TNN: variants seen among roughly 807,000 people sequenced by gnomAD.
TNN encodes tenascin-N.
Under a neutral mutation model 134.4 loss-of-function variants are expected in TNN, and 122 were observed. The ratio of observed to expected loss-of-function variants is 0.91; its 90% CI spans 0.78 to 1.06. The LOEUF (loss-of-function observed/expected upper bound fraction) is 1.06. Among genes scored for constraint, TNN ranks in the 50% least tolerant of loss-of-function variants. The pLI is 0.00. For missense variants in TNN, 1,739 were observed against 1,699.4 expected (o/e 1.02, Z -0.41); for synonymous variants, 710 against 670.3 (o/e 1.06, Z -0.91).
intron 9 of TNN, 120 bp downstream of exon 9, chr1:175,098,715 A>G (rs1463566619): frequency 1.4e-6 from 2 of 1,407,752 alleles, no homozygotes; most frequent in South Asian, 1.4e-5. Flanking sequence ...GTATCCTCCC[A>G]TAATACATTG....
intron 12 of TNN, among the ~76,000 whole-genome samples, chr1:175,125,363 TA>T (rs148596419): frequency 7.0e-4 from 104 of 147,578 alleles, no homozygotes; most frequent in African/African-American, 6.0e-4. Flanking sequence ...CTTCTTTGGT[TA>T]AAAAAAAAAA....
chr1:175,127,211 T>G, intron 13 of TNN, 126 bp downstream of exon 13: 1 of 1,153,998 alleles, frequency 8.7e-7, no homozygotes, highest in Non-Finnish European at 1.2e-6. Flanking sequence ...CATTGCTGGT[T>G]GTACATCTGC....
intron 17 of TNN, among the ~76,000 whole-genome samples, chr1:175,142,904 C>T (rs181694687): frequency 6.6e-6 from 1 of 152,324 alleles, no homozygotes; most frequent in East Asian, 1.9e-4. Flanking sequence ...GTGTGAGCCA[C>T]CGTGCCTGGC....
At chr1:175,127,471 A>G (rs1318774738) in intron 13 of TNN, among the ~76,000 whole-genome samples, 2 of 152,202 alleles carry the variant, frequency 1.3e-5, no homozygotes, top group Non-Finnish European at 2.9e-5. Context: ...TTGCCAATGA[A>G]GAAAGAAGGG....
intron 15 of TNN, among the ~76,000 whole-genome samples, chr1:175,130,709 C>G (rs1298022046): frequency 6.6e-6 from 1 of 152,182 alleles, no homozygotes; most frequent in Non-Finnish European, 1.5e-5. Context: ...TGAGTGCCTA[C>G]TATGTGTCGG....
Position 175,135,920 on chromosome 1 carries a change from C to A in TNN, c.3406C>A (p.Pro1136Thr), listed in dbSNP as rs746887632. The A allele has an allele frequency of 3.1e-6, 5 of 1,613,146 alleles. No homozygotes were observed. Among genetic ancestry groups the A allele is most frequent in the Non-Finnish European group, 4.2e-6 (5 of 1,179,474 alleles). ...WRSYVEGFGD[P>T]MKEFWLGLDK... Reference sequence around the variant, plus strand: ...GAGCTATGTGGAAGGCTTTGGGGACCCCATGAAGGAGTTCTGGCTTGGTAT... The same window carrying A: ...GAGCTATGTGGAAGGCTTTGGGGACACCATGAAGGAGTTCTGGCTTGGTAT... Residue 1136 changes from proline (P) to threonine (T), a missense_variant, in exon 16 of 19, where the codon CCC (proline) becomes ACC (threonine). Transcript: ENST00000239462.
Position 175,117,127 on chromosome 1 carries a change from G to C in TNN, c.2308G>C (p.Gly770Arg). The C allele has an allele frequency of 6.2e-7, 1 of 1,614,266 alleles. No homozygotes were observed. The highest frequency in any genetic ancestry group is 8.5e-7 in the Non-Finnish European group (1 of 1,180,036). Residue 770 changes from glycine to arginine, a missense_variant, in exon 10 of 19, where the codon GGT (glycine) becomes CGT (arginine). Coordinates refer to ENST00000239462, the MANE Select transcript of TNN (RefSeq NM_022093.2). ...SSTVLTGLRP[G>R]VEYTVHVWAQ... ...CACTGTCCTGACGGGCCTGAGGCCG[G>C]GTGTGGAGTACACGGTGCACGTGTG...
Position 175,077,479 on chromosome 1 carries a change from G to C in TNN, c.61G>C (p.Val21Leu). 1 of 1,613,878 alleles carries C rather than the reference G, an allele frequency of 6.2e-7. No homozygotes were observed. Among genetic ancestry groups the C allele is most frequent in the Non-Finnish European group, 8.5e-7 (1 of 1,180,012 alleles). The change falls in exon 2 of 19, where the codon GTG (valine) becomes CTG (leucine). Residue 21 changes from valine to leucine, a missense_variant. Transcript: ENST00000239462. Reference protein sequence around the residue: ...MGLLLGSVLLVASAPATLEPP... With the variant: ...MGLLLGSVLLLASAPATLEPP... ...GCTCCTGCTTGGCTCTGTGCTCCTG[G>C]TGGCTTCGGCCCCAGCCACTCTGGA...
chr1:175,075,801 A>G (rs545438929), intron 1 of TNN, among the ~76,000 whole-genome samples: 1 of 152,168 alleles, frequency 6.6e-6, no homozygotes, highest in Non-Finnish European at 1.5e-5. Flanking sequence ...GATGAGGAGC[A>G]TTTTTAGGGA....
chr1:175,144,521 G>T lies in TNN; in HGVS notation c.3730G>T (p.Gly1244Cys). 4 of 1,614,208 alleles carry T rather than the reference G, an allele frequency of 2.5e-6. No homozygotes were observed. The highest frequency in any genetic ancestry group is 3.4e-6 in the Non-Finnish European group (4 of 1,180,034). The change falls in exon 18 of 19, where the codon GGC (glycine) becomes TGC (cysteine). Residue 1244 changes from glycine (G) to cysteine (C), a missense_variant. Physicochemically the swap from Gly to Cys is radical, Grantham distance 159. Coordinates refer to ENST00000239462, the MANE Select transcript of TNN (RefSeq NM_022093.2). ...GAACTGCCACTTGGCCAACCCTAAT[G>T]GCAGATATGGGGAGACCAAGCACAG... The part of the protein sequence containing the change: ...YKNCHLANPN[G>C]RYGETKHSEG...
chr1:175,080,531 A>C (rs1442311602), intron 4 of TNN, 105 bp downstream of exon 4: 1 of 1,346,100 alleles, frequency 7.4e-7, no homozygotes, highest in African/African-American at 1.5e-5. Flanking sequence ...GGGGTTTGAA[A>C]AACACACCTG....
intron 9 of TNN, among the ~76,000 whole-genome samples, chr1:175,112,076 T>C (rs1269926153): frequency 1.3e-5 from 2 of 152,210 alleles, no homozygotes; most frequent in Non-Finnish European, 2.9e-5. Context: ...TTCTGGTTCT[T>C]AGAGAAAAGC....
At chr1:175,128,842 A>G in intron 15 of TNN, 96 bp downstream of exon 15, 7 of 1,317,738 alleles carry the variant, frequency 5.3e-6, no homozygotes, top group Non-Finnish European at 7.0e-6. Context: ...TTGGAGCCCT[A>G]TTTCTTCTCC....
In TNN at chr1:175,091,447, T is replaced by C. The variant is rs561971949; in HGVS notation, c.1325-2543T>C. Among the ~76,000 whole-genome samples, 363 of 152,334 alleles carry C rather than the reference T, an allele frequency of 2.4e-3. 1 individual carries two copies. Among genetic ancestry groups the C allele is most frequent in the Non-Finnish European group, 3.8e-3 (258 of 68,024 alleles). On this transcript the variant is annotated intron_variant, in intron 6 of 18. Coordinates refer to ENST00000239462, the MANE Select transcript of TNN (RefSeq NM_022093.2). ...TCCTGGCTCTTCTCCATCCCTTGAGTGCTCTGGGACTGGTGGGAGAGAAAG... is the reference window on the plus strand; with the variant it reads ...TCCTGGCTCTTCTCCATCCCTTGAGCGCTCTGGGACTGGTGGGAGAGAAAG...
intron 7 of TNN, among the ~76,000 whole-genome samples, chr1:175,096,116 A>G (rs1674563053): frequency 6.6e-6 from 1 of 152,242 alleles, no homozygotes; most frequent in South Asian, 2.1e-4. Context: ...TCTAGAGCAA[A>G]CAAATGTCCC....
chr1:175,079,620 T>G lies in TNN; in HGVS notation c.697T>G (p.Cys233Gly). ...FMSEDCSEKRCPGDCSGHGFC... is the reference protein window; with the variant it reads ...FMSEDCSEKRGPGDCSGHGFC... ...GTCGGAGGACTGCAGCGAGAAGCGC[T>G]GTCCCGGCGACTGCAGCGGCCACGG... Residue 233 changes from cysteine (C) to glycine (G), a missense_variant, in exon 3 of 19, where the codon TGT becomes GGT. By Grantham distance (159) the Cys-to-Gly change is radical. Transcript: ENST00000239462. The G allele has an allele frequency of 1.2e-6, 2 of 1,603,214 alleles. No homozygotes were observed. The highest frequency in any genetic ancestry group is 1.7e-6 in the Non-Finnish European group (2 of 1,176,100).
At chr1:175,081,547 A>G (rs1466235607) in intron 4 of TNN, among the ~76,000 whole-genome samples, 1 of 152,114 alleles carries the variant, frequency 6.6e-6, no homozygotes, top group African/African-American at 2.4e-5. Flanking sequence ...CCTGTCCTTT[A>G]TGGTGGTGGG....
At chr1:175,114,584 T>C (rs548053484) in intron 9 of TNN, among the ~76,000 whole-genome samples, 4 of 152,288 alleles carry the variant, frequency 2.6e-5, no homozygotes, top group African/African-American at 9.6e-5. Flanking sequence ...TGTGAACCTA[T>C]AGTGGCACTT....
chr1:175,112,338 A>G (rs1040618928), intron 9 of TNN, among the ~76,000 whole-genome samples: 3 of 152,012 alleles, frequency 2.0e-5, no homozygotes, highest in Non-Finnish European at 2.9e-5. Context: ...GATAAATCTC[A>G]CTTGTATCCT....
Sources: gnomAD v4.1 joint callset for allele counts (sites outside exome capture counted in the v4.1 genomes callset) on GRCh38, gnomAD v4.1.1 for gene constraint, MANE v1.5 for transcripts, NCBI Gene and HGNC (gene_info 2026-07-23, HGNC 2026-07-21) for gene names.